KIRREL3: variants seen among roughly 807,000 people sequenced by gnomAD.
KIRREL3 encodes kirre like nephrin family adhesion molecule 3.
A neutral mutation model predicts 89.7 loss-of-function variants in KIRREL3; 36 were observed. The ratio of observed to expected loss-of-function variants is 0.40; its 90% CI spans 0.31 to 0.53. The LOEUF (loss-of-function observed/expected upper bound fraction) is 0.53, where lower values mean the gene tolerates loss of function less well. KIRREL3 is among the 20% of genes least tolerant of loss of function. The pLI, the probability that KIRREL3 is intolerant of heterozygous loss-of-function variation, is 0.49. For missense variants in KIRREL3, 864 were observed against 1,056.6 expected (o/e 0.82, Z 2.53); for synonymous variants, 445 against 441.4 (o/e 1.01, Z -0.10).
chr11:126,914,980 A>T (rs1308511144), intron 1 of KIRREL3, among the ~76,000 whole-genome samples: 1 of 152,222 alleles, frequency 6.6e-6, no homozygotes, highest in Non-Finnish European at 1.5e-5. Context: ...TGTCAAGTGG[A>T]CACCCCCCTA....
At position 126,911,905 on chromosome 11, in the gene KIRREL3, C is replaced by T. The variant is rs1238055759; in HGVS notation, c.55+88550G>A. Among the ~76,000 whole-genome samples the T allele has an allele frequency of 2.0e-5, 3 of 150,180 alleles. No homozygotes were observed. In the East Asian group the frequency reaches 6.0e-4, roughly 30 times the overall value. On this transcript the variant is annotated intron_variant, in intron 1 of 16. Coordinates refer to ENST00000525144, the MANE Select transcript of KIRREL3 (RefSeq NM_032531.4). ...GGCTGAGGCAGGAGAATGGGGTGAA[C>T]CCGGGAGGCAGAGCTTGCAGTGAGC...
At position 126,726,657 on chromosome 11, in the gene KIRREL3, G is replaced by A. The variant is rs551493941; in HGVS notation, c.56-163745C>T. Among the ~76,000 whole-genome samples the A allele has an allele frequency of 3.3e-5, 5 of 152,214 alleles. No individual in the cohort carries two copies. In the South Asian group the frequency reaches 1.0e-3, roughly 32 times the overall value. On this transcript the variant is annotated intron_variant, in intron 1 of 16. Transcript: ENST00000525144. ...TGCTAGGATAACAGGTGTGAGCCAT[G>A]TGAGCCACTGCGCCCAGCCACAAGA...
In KIRREL3 at chr11:126,555,565, AAGCAGGGTAGACACAGGG is replaced by A. The variant is rs1464887511; in HGVS notation, c.133+7252_133+7269del. Among the ~76,000 whole-genome samples, 1 of 151,952 alleles carries A rather than the reference AAGCAGGGTAGACACAGGG, an allele frequency of 6.6e-6. No homozygotes were observed. The highest frequency in any genetic ancestry group is 1.5e-5 in the Non-Finnish European group (1 of 67,978). On this transcript the variant is annotated intron_variant, in intron 2 of 16. Transcript: ENST00000525144. This position sits in a 1 kb window ranked among gnomAD's most constrained non-coding sequence, Gnocchi z 4.2. ...GGTTTGGGGATGGGGTGAGCGTGGC[AAGCAGGGTAGACACAGGG>A]AGCAGGGTAGACACAGGCCCTATGA...
At chr11:126,442,247 C>T (rs573002923) in intron 10 of KIRREL3, among the ~76,000 whole-genome samples, 14 of 125,250 alleles carry the variant, frequency 1.1e-4, no homozygotes, top group South Asian at 1.0e-3. Flanking sequence ...GGCGACAGAG[C>T]GAGACTCCAG....
rs986291742 is a variant in KIRREL3 at position 126,641,892 on chromosome 11, T to C, written c.56-78980A>G. Among the ~76,000 whole-genome samples the C allele has an allele frequency of 7.9e-5, 12 of 152,178 alleles. No individual in the cohort carries two copies. The highest frequency in any genetic ancestry group is 1.6e-4 in the Non-Finnish European group (11 of 68,022). On this transcript the variant is annotated intron_variant, in intron 1 of 16. Transcript: ENST00000525144. This position sits in a 1 kb window ranked among gnomAD's most constrained non-coding sequence, Gnocchi z 5.0. ...TGCTTACATGTGCACATCCTCAACT[T>C]CCACTCTTTCTCAGGTCAGGAACGT...
At chr11:126,957,329 A>G (rs780838095) in intron 1 of KIRREL3, among the ~76,000 whole-genome samples, 1 of 152,190 alleles carries the variant, frequency 6.6e-6, no homozygotes, top group Admixed American at 6.5e-5. Context: ...TGATGATTAC[A>G]TTTCATTTTC....
In KIRREL3 at chr11:126,808,224, G is replaced by A. The variant is rs903614765; in HGVS notation, c.55+192231C>T. Among the ~76,000 whole-genome samples the A allele has an allele frequency of 6.6e-6, 1 of 152,282 alleles. No individual in the cohort carries two copies. The highest frequency in any genetic ancestry group is 2.4e-5 in the African/African-American group (1 of 41,560). On this transcript the variant is annotated intron_variant, in intron 1 of 16. Transcript: ENST00000525144. This position sits in a 1 kb window ranked among gnomAD's most constrained non-coding sequence, Gnocchi z 4.1. The stretch of plus-strand genomic sequence containing the variant: ...GGAAAGAGGGATCCATGGAGTAAGA[G>A]GTCCCTTCAGGGGAGTCATTAGCAA...
rs1958669610 is a variant in KIRREL3 at position 126,523,852 on chromosome 11, G to T, written c.284-2388C>A. On this transcript the variant is annotated intron_variant, in intron 3 of 16. Transcript: ENST00000525144. The surrounding 1 kb of genome is among the most constrained non-coding windows in gnomAD (Gnocchi z 4.9). Reference sequence around the variant, plus strand: ...AGCTTCTGTTTCTGTTGTCTTGCAAGCTATCAGCAGCAGGATTTTGCTCTC... The same window carrying T: ...AGCTTCTGTTTCTGTTGTCTTGCAATCTATCAGCAGCAGGATTTTGCTCTC... Among the ~76,000 whole-genome samples the T allele has an allele frequency of 6.6e-6, 1 of 152,212 alleles. No homozygotes were observed. Among genetic ancestry groups the T allele is most frequent in the East Asian group, 1.9e-4 (1 of 5,200 alleles).
chr11:126,455,734 T>G lies in KIRREL3; in HGVS notation c.848+615A>C, dbSNP rs899615892. On this transcript the variant is annotated intron_variant, in intron 7 of 16. Transcript: ENST00000525144. This position sits in a 1 kb window ranked among gnomAD's most constrained non-coding sequence, Gnocchi z 6.4. ...TGGCGTGAACCCAGGAGGCAGAGCT[T>G]GCCAGTGAGCTGAGATCACGCCACT... 5.9e-5 allele frequency among the ~76,000 whole-genome samples: 9 copies of G among 152,080 alleles called. No homozygotes were observed. The highest frequency in any genetic ancestry group is 2.0e-4 in the Admixed American group (3 of 15,276).
chr11:126,742,048 T>C lies in KIRREL3; in HGVS notation c.56-179136A>G, dbSNP rs553835602. ...CGCTTGTGCTAAGAAGGGAGAACTA[T>C]TTAGAACACATGTGAAACTCTATTT... On this transcript the variant is annotated intron_variant, in intron 1 of 16. Coordinates refer to ENST00000525144, the MANE Select transcript of KIRREL3 (RefSeq NM_032531.4). This position sits in a 1 kb window ranked among gnomAD's most constrained non-coding sequence, Gnocchi z 5.3. Among the ~76,000 whole-genome samples the C allele has an allele frequency of 4.7e-4, 72 of 152,332 alleles. No homozygotes were observed. Among genetic ancestry groups the C allele is most frequent in the African/African-American group, 1.7e-3 (70 of 41,574 alleles).
At chr11:126,960,347 G>GTTT (rs1555106802) in intron 1 of KIRREL3, among the ~76,000 whole-genome samples, 16 of 152,074 alleles carry the variant, frequency 1.1e-4, no homozygotes, top group Non-Finnish European at 1.5e-5. Context: ...TTTGTTTTGG[G>GTTT]GTTTGTCATT....
chr11:126,551,137 CAGGAGCT>C lies in KIRREL3; in HGVS notation c.133+11691_133+11697del, dbSNP rs1296773736. On this transcript the variant is annotated intron_variant, in intron 2 of 16. Coordinates refer to ENST00000525144, the MANE Select transcript of KIRREL3 (RefSeq NM_032531.4). This position sits in a 1 kb window ranked among gnomAD's most constrained non-coding sequence, Gnocchi z 4.9. ...AGATGAAGAGATTGGGGGGAAGGGG[CAGGAGCT>C]TCCACGCCCTCCCTGAGTGCGCCAC... 2.6e-5 allele frequency among the ~76,000 whole-genome samples: 4 copies of C among 152,186 alleles called. No individual in the cohort carries two copies. The highest frequency in any genetic ancestry group is 4.4e-5 in the Non-Finnish European group (3 of 68,030).
At position 126,996,019 on chromosome 11, in the gene KIRREL3, GACCCC is replaced by G. The variant is rs767717091; in HGVS notation, c.55+4431_55+4435del. Among the ~76,000 whole-genome samples the G allele has an allele frequency of 5.9e-5, 9 of 152,114 alleles. No individual in the cohort carries two copies. Among genetic ancestry groups the G allele is most frequent in the Non-Finnish European group, 8.8e-5 (6 of 68,036 alleles). ...CCTCTTAGAGCAATGTGAAGGCCTT[GACCCC>G]ACCCCACTCGTCCTCCCCCTAGGGA... On this transcript the variant is annotated intron_variant, in intron 1 of 16. Transcript: ENST00000525144. The surrounding 1 kb of genome is among the most constrained non-coding windows in gnomAD (Gnocchi z 4.7).
intron 4 of KIRREL3, among the ~76,000 whole-genome samples, chr11:126,499,864 C>G (rs1957797438): frequency 6.6e-6 from 1 of 152,182 alleles, no homozygotes; most frequent in South Asian, 2.1e-4. Context: ...CTTCTTTTAT[C>G]CTGCCTGGGA....
chr11:126,999,236 G>A lies in KIRREL3; in HGVS notation c.55+1219C>T, dbSNP rs1030314028. 5.3e-5 allele frequency among the ~76,000 whole-genome samples: 8 copies of A among 151,984 alleles called. No homozygotes were observed. Among genetic ancestry groups the A allele is most frequent in the Non-Finnish European group, 7.4e-5 (5 of 68,002 alleles). Reference sequence around the variant, plus strand: ...ACAAATATGAAGAAGGAGCCCCTTCGGTTTCATCAGGAGGACCAGAAGCAA... The same window carrying A: ...ACAAATATGAAGAAGGAGCCCCTTCAGTTTCATCAGGAGGACCAGAAGCAA... On this transcript the variant is annotated intron_variant, in intron 1 of 16. Transcript: ENST00000525144. The surrounding 1 kb of genome is among the most constrained non-coding windows in gnomAD (Gnocchi z 5.7).
rs904389061 is a variant in KIRREL3, at chr11:126,686,799, G to A, written c.56-123887C>T. ...TTCGCATGTTGGCCAGGCTGGTCTC[G>A]AACTCCTGACCTCAAGTGATTCACC... On this transcript the variant is annotated intron_variant, in intron 1 of 16. Transcript: ENST00000525144. This position sits in a 1 kb window ranked among gnomAD's most constrained non-coding sequence, Gnocchi z 4.7. Among the ~76,000 whole-genome samples, 2 of 152,108 alleles carry A rather than the reference G, an allele frequency of 1.3e-5. No homozygotes were observed. The highest frequency in any genetic ancestry group is 4.8e-5 in the African/African-American group (2 of 41,408).
At chr11:126,899,381 C>T (rs1026594426) in intron 1 of KIRREL3, among the ~76,000 whole-genome samples, 1 of 152,132 alleles carries the variant, frequency 6.6e-6, no homozygotes, top group Non-Finnish European at 1.5e-5. Context: ...CTATTAAACA[C>T]AAAATCTCTG....
rs183237663 is a variant in KIRREL3, at chr11:126,657,003, G to A, written c.56-94091C>T. ...GGAGGCTAGGGTTGTGGTGAGCTGA[G>A]ATCATGCCACTGCACTCCATCCAGC... On this transcript the variant is annotated intron_variant, in intron 1 of 16. Coordinates refer to ENST00000525144, the MANE Select transcript of KIRREL3 (RefSeq NM_032531.4). 2.6e-3 allele frequency among the ~76,000 whole-genome samples: 389 copies of A among 151,912 alleles called. 1 individual carries two copies. Among genetic ancestry groups the A allele is most frequent in the Non-Finnish European group, 3.9e-3 (262 of 67,966 alleles).
rs1949425083 is a variant in KIRREL3, at chr11:126,754,331, T to C, written c.56-191419A>G. On this transcript the variant is annotated intron_variant, in intron 1 of 16. Transcript: ENST00000525144. The surrounding 1 kb of genome is among the most constrained non-coding windows in gnomAD (Gnocchi z 5.1). Reference sequence around the variant, plus strand: ...AAGAAAACTTGATGGAAAATAAAGATGTTCACTGCTGAAACAGCATTCCTC... The same window carrying C: ...AAGAAAACTTGATGGAAAATAAAGACGTTCACTGCTGAAACAGCATTCCTC... 6.6e-6 allele frequency among the ~76,000 whole-genome samples: 1 copy of C among 152,228 alleles called. No homozygotes were observed. Among genetic ancestry groups the C allele is most frequent in the Non-Finnish European group, 1.5e-5 (1 of 68,042 alleles).
Sources: gnomAD v4.1 joint callset for allele counts (sites outside exome capture counted in the v4.1 genomes callset) on GRCh38, gnomAD v4.1.1 for gene constraint, Gnocchi (gnomAD v3.1) non-coding constraint, MANE v1.5 for transcripts, NCBI Gene and HGNC (gene_info 2026-07-23, HGNC 2026-07-21) for gene names.